C1QTNF7: variants seen among roughly 807,000 people sequenced by gnomAD.
C1QTNF7 encodes C1q and TNF related 7, also known as complement C1q tumor necrosis factor-related protein 7.
C1QTNF7 carries 15 observed loss-of-function variants against 19.6 expected under a neutral mutation model. The observed-to-expected ratio is 0.76, with a 90% CI of 0.51 to 1.18. The LOEUF (loss-of-function observed/expected upper bound fraction) is 1.18. C1QTNF7 is among the 50% of genes most tolerant of loss of function. The pLI is 0.00. For synonymous variants in C1QTNF7, 142 were observed against 137.5 expected (o/e 1.03, Z -0.23); for missense variants, 324 against 359.7 (o/e 0.90, Z 0.80).
intron 1 of C1QTNF7, among the ~76,000 whole-genome samples, chr4:15,422,933 T>C (rs967137893): frequency 5.9e-5 from 9 of 152,336 alleles, no homozygotes; most frequent in Middle Eastern, 3.4e-3. Flanking sequence ...TTTTAAGTTT[T>C]TTACGTTTTA....
At chr4:15,426,000 C>G (rs1469879550), upstream of C1QTNF7, among the ~76,000 whole-genome samples, 2 of 152,136 alleles carry the variant, frequency 1.3e-5, no homozygotes, top group Non-Finnish European at 2.9e-5. Flanking sequence ...CGGGGGTATT[C>G]ACTCCAAGAA....
chr4:15,409,461 C>G (rs1009887537), intron 1 of C1QTNF7, among the ~76,000 whole-genome samples: 7 of 152,196 alleles, frequency 4.6e-5, no homozygotes, highest in Non-Finnish European at 1.0e-4. Flanking sequence ...GAAAGACAAA[C>G]TGGGGATGAA....
chr4:15,374,676 C>T (rs1717862431), intron 1 of C1QTNF7: 1 of 985,330 alleles, frequency 1.0e-6, no homozygotes, highest in South Asian at 4.7e-5. Context: ...GAATAATCCT[C>T]GCTGCCAAAG....
chr4:15,367,013 G>C (rs1196636828), intron 1 of C1QTNF7, among the ~76,000 whole-genome samples: 1 of 152,120 alleles, frequency 6.6e-6, no homozygotes, highest in Non-Finnish European at 1.5e-5. Flanking sequence ...ATTTACATAG[G>C]GGGTGCATCT....
In C1QTNF7 at chr4:15,393,176, G is replaced by A. The variant is rs1460281413; in HGVS notation, c.14-42560G>A. Among the ~76,000 whole-genome samples the A allele has an allele frequency of 5.9e-5, 9 of 152,226 alleles. No homozygotes were observed. In the East Asian group the frequency reaches 1.2e-3, roughly 20 times the overall value. On this transcript the variant is annotated intron_variant, in intron 1 of 2. Transcript: ENST00000295297. Reference sequence around the variant, plus strand: ...TCTTTTCTGTCTTGTCTGCCGCCATGTAAGACATGCCTTTTGCCTTCCACC... The same window carrying A: ...TCTTTTCTGTCTTGTCTGCCGCCATATAAGACATGCCTTTTGCCTTCCACC...
intron 1 of C1QTNF7, among the ~76,000 whole-genome samples, chr4:15,411,917 G>A (rs944129730): frequency 6.6e-6 from 1 of 151,762 alleles, no homozygotes; most frequent in Admixed American, 6.6e-5. Flanking sequence ...GGCCCATTAG[G>A]AATGGGGTAG....
At chr4:15,348,398 T>C (rs1716788817) in intron 1 of C1QTNF7, among the ~76,000 whole-genome samples, 2 of 152,220 alleles carry the variant, frequency 1.3e-5, no homozygotes, top group Admixed American at 1.3e-4. Context: ...TTGGAATGAT[T>C]TGTACTTGCC....
chr4:15,393,134 T>C (rs565491782), intron 1 of C1QTNF7, among the ~76,000 whole-genome samples: 14 of 152,224 alleles, frequency 9.2e-5, no homozygotes, highest in South Asian at 2.1e-4. Flanking sequence ...TAAGGGGAAA[T>C]CTCTTTCGCT....
upstream of C1QTNF7, among the ~76,000 whole-genome samples, chr4:15,423,796 C>G (rs1040766486): frequency 6.6e-6 from 1 of 152,208 alleles, no homozygotes; most frequent in Non-Finnish European, 1.5e-5. Context: ...TTTTCCTGCC[C>G]TTCTGCCAGG....
intron 1 of C1QTNF7, among the ~76,000 whole-genome samples, chr4:15,401,328 C>T (rs1039168221): frequency 1.3e-5 from 2 of 152,176 alleles, no homozygotes; most frequent in Non-Finnish European, 2.9e-5. Context: ...ACCTGAGCCA[C>T]ACTGGCCTCC....
rs529520785 is a variant in C1QTNF7 at position 15,405,419 on chromosome 4, C to T, written c.14-30317C>T. Among the ~76,000 whole-genome samples the T allele has an allele frequency of 1.1e-4, 16 of 152,284 alleles. No homozygotes were observed. In the South Asian group the frequency reaches 3.3e-3, roughly 32 times the overall value. On this transcript the variant is annotated intron_variant, in intron 1 of 2. Coordinates refer to the C1QTNF7 transcript ENST00000295297. ...TCAGCAAGACTCCTGTCAGATGCCT[C>T]CCAAGCCCTCCCACAAAGGCAACTG...
chr4:15,436,066 G>T, intron 2 of C1QTNF7, 85 bp downstream of exon 2: 2 of 1,522,596 alleles, frequency 1.3e-6, no homozygotes, highest in Admixed American at 2.1e-5. Context: ...TTTCTAATGG[G>T]AATTGCTCCT....
chr4:15,418,360 A>G (rs1172897819), intron 1 of C1QTNF7, among the ~76,000 whole-genome samples: 1 of 152,164 alleles, frequency 6.6e-6, no homozygotes, highest in Non-Finnish European at 1.5e-5. Context: ...AGGCCCTGAA[A>G]TGACTTGACC....
chr4:15,368,045 T>A (rs1490351590), intron 1 of C1QTNF7, among the ~76,000 whole-genome samples: 1 of 152,182 alleles, frequency 6.6e-6, no homozygotes, highest in Non-Finnish European at 1.5e-5. Context: ...TCTGTCCTTT[T>A]GAAGTTTTTC....
chr4:15,379,578 C>T (rs1261406399), intron 1 of C1QTNF7, among the ~76,000 whole-genome samples: 2 of 152,290 alleles, frequency 1.3e-5, no homozygotes, highest in African/African-American at 4.8e-5. Context: ...TGCTGGACTC[C>T]ACAACCTGCT....
At chr4:15,376,648 G>A (rs751205989) in intron 1 of C1QTNF7, among the ~76,000 whole-genome samples, 1 of 152,210 alleles carries the variant, frequency 6.6e-6, no homozygotes, top group Non-Finnish European at 1.5e-5. Flanking sequence ...GGTAATGATG[G>A]CTGGCAGGGC....
At chr4:15,351,628 T>G (rs746661437) in intron 1 of C1QTNF7, among the ~76,000 whole-genome samples, 2 of 152,146 alleles carry the variant, frequency 1.3e-5, no homozygotes, top group South Asian at 2.1e-4. Context: ...CATCAGAATC[T>G]CTGGGGGTGG....
chr4:15,403,873 G>A (rs1181756957), intron 1 of C1QTNF7, among the ~76,000 whole-genome samples: 1 of 152,038 alleles, frequency 6.6e-6, no homozygotes, highest in Non-Finnish European at 1.5e-5. Context: ...TCTGTATTAT[G>A]AAATGATATA....
At chr4:15,357,165 T>G (rs1026967975) in intron 1 of C1QTNF7, among the ~76,000 whole-genome samples, 1 of 152,154 alleles carries the variant, frequency 6.6e-6, no homozygotes, top group Admixed American at 6.5e-5. Flanking sequence ...TCATGAAGTC[T>G]TTGCCCATGC....
Sources: allele counts gnomAD v4.1 joint callset (sites outside exome capture counted in the v4.1 genomes callset), GRCh38; gene constraint gnomAD v4.1.1; transcripts MANE v1.5; gene names NCBI Gene and HGNC (gene_info 2026-07-23, HGNC 2026-07-21).